Variants in MAP3K1 observed in about 807,000 individuals in gnomAD.
MAP3K1 encodes the protein mitogen-activated protein kinase kinase kinase 1, also known as MAP/ERK kinase kinase 1.
In MAP3K1, 36 loss-of-function variants were observed where a neutral mutation model predicts 144.2. The observed-to-expected ratio is 0.25, with a 90% CI of 0.19 to 0.33. MAP3K1 has a LOEUF of 0.33. Ranked by LOEUF, MAP3K1 falls within the 10% of genes least tolerant of loss-of-function variation. MAP3K1 has a pLI of 1.00. For synonymous variants in MAP3K1, 718 were observed against 688.7 expected (o/e 1.04, Z -0.67); for missense variants, 1,650 against 1,881.9 (o/e 0.88, Z 2.28).
intron 19 of MAP3K1, among the ~76,000 whole-genome samples, chr5:56,891,578 A>T (rs542319607): frequency 1.3e-5 from 2 of 152,234 alleles, no homozygotes; most frequent in Admixed American, 6.5e-5. Context: ...TTTTGTTGCC[A>T]TTGCTTTTGG....
intron 3 of MAP3K1, among the ~76,000 whole-genome samples, chr5:56,860,149 G>C (rs1365342784): frequency 1.3e-5 from 2 of 152,146 alleles, no homozygotes; most frequent in African/African-American, 4.8e-5. Flanking sequence ...GATATTTGCA[G>C]TGGTGGGTAA....
intron 6 of MAP3K1, among the ~76,000 whole-genome samples, chr5:56,869,099 GAGAAA>G (rs1366873180): frequency 2.0e-5 from 3 of 150,728 alleles, no homozygotes; most frequent in African/African-American, 4.9e-5. Flanking sequence ...AAAAAAAAAA[GAGAAA>G]AGAAAGAAAA....
chr5:56,867,352 A>C (rs552623836), intron 6 of MAP3K1, among the ~76,000 whole-genome samples: 1 of 152,304 alleles, frequency 6.6e-6, no homozygotes, highest in Non-Finnish European at 1.5e-5. Flanking sequence ...CTATTTTTAT[A>C]TCTAAGATCA....
At position 56,893,959 on chromosome 5, in the gene MAP3K1, C is replaced by G; in HGVS notation, c.*279C>G. 1 of 468,548 alleles carries G rather than the reference C, an allele frequency of 2.1e-6. No individual in the cohort carries two copies. Among genetic ancestry groups the G allele is most frequent in the Middle Eastern group, 5.9e-4 (1 of 1,690 alleles). The allele number at this position is 468,548 out of a possible 1,614,324, so 29.0% of individuals were successfully genotyped here. The stretch of plus-strand genomic sequence containing the variant: ...CAATGAAGTTTGCATGACTAAATTG[C>G]AGAAGCATAATTTTATTTTTTTGGA... On this transcript the variant is annotated 3_prime_UTR_variant, in exon 20 of 20. Transcript: ENST00000399503.
chr5:56,820,260 C>G (rs1288051504), intron 1 of MAP3K1: 1 of 186,144 alleles, frequency 5.4e-6, no homozygotes, highest in Admixed American at 6.5e-5. Flanking sequence ...ATGGTAAAAC[C>G]TCATGATTAC....
chr5:56,837,253 A>G (rs914124443), intron 1 of MAP3K1, among the ~76,000 whole-genome samples: 2 of 152,076 alleles, frequency 1.3e-5, no homozygotes, highest in African/African-American at 2.4e-5. Flanking sequence ...TCTTCAAGGC[A>G]TTTTATTCCT....
intron 6 of MAP3K1, among the ~76,000 whole-genome samples, chr5:56,867,967 A>C (rs1747727552): frequency 1.3e-5 from 2 of 152,216 alleles, no homozygotes; most frequent in Non-Finnish European, 2.9e-5. Flanking sequence ...GTCGATAAGT[A>C]AAACCAAATC....
intron 9 of MAP3K1, among the ~76,000 whole-genome samples, chr5:56,874,199 T>C (rs1400276951): frequency 6.6e-6 from 1 of 152,226 alleles, no homozygotes; most frequent in African/African-American, 2.4e-5. Flanking sequence ...TAAATAAGTA[T>C]GTTATGATCT....
At chr5:56,823,258 C>T (rs1746209219) in intron 1 of MAP3K1, among the ~76,000 whole-genome samples, 2 of 152,208 alleles carry the variant, frequency 1.3e-5, no homozygotes, top group Admixed American at 1.3e-4. Flanking sequence ...TGTTCCGTGG[C>T]AGGGTTGCGT....
rs375887686 is a variant in MAP3K1, at chr5:56,868,270, T to C, written c.1301+2293T>C. ...TCCACAGGCTGATTTGTTTTCCTTA[T>C]AAGTTCATTACTCCCTGCTCTATAC... On this transcript the variant is annotated intron_variant, in intron 6 of 19. Transcript: ENST00000399503. 2.2e-4 allele frequency among the ~76,000 whole-genome samples: 33 copies of C among 152,282 alleles called. No individual in the cohort carries two copies. In the East Asian group the frequency reaches 2.5e-3, roughly 12 times the overall value.
At chr5:56,879,183 C>G in intron 11 of MAP3K1, 82 bp downstream of exon 11, 7 of 1,458,948 alleles carry the variant, frequency 4.8e-6, no homozygotes, top group Non-Finnish European at 6.7e-6. Flanking sequence ...GTGTGAATAT[C>G]TGATACATTT....
At chr5:56,830,144 T>G (rs1746441930) in intron 1 of MAP3K1, among the ~76,000 whole-genome samples, 2 of 152,234 alleles carry the variant, frequency 1.3e-5, no homozygotes, top group Admixed American at 1.3e-4. Context: ...TAAAGAAATG[T>G]TATCAGAATT....
intron 1 of MAP3K1, among the ~76,000 whole-genome samples, chr5:56,822,539 C>G (rs1261949238): frequency 1.3e-5 from 2 of 152,186 alleles, no homozygotes. Context: ...TGATTTTCTA[C>G]TTAACCATGA....
At chr5:56,858,003 G>A (rs1561183795) in intron 2 of MAP3K1, among the ~76,000 whole-genome samples, 1 of 152,120 alleles carries the variant, frequency 6.6e-6, no homozygotes, top group Non-Finnish European at 1.5e-5. Context: ...TATTACTCAC[G>A]TGAGGTGGTA....
intron 18 of MAP3K1, chr5:56,887,954 G>A (rs1015388928): frequency 5.1e-5 from 26 of 511,584 alleles, no homozygotes; most frequent in South Asian, 3.0e-4. Context: ...TTCATATGTA[G>A]TAATGATCTG....
At chr5:56,849,232 C>T in intron 1 of MAP3K1, among the ~76,000 whole-genome samples, 1 of 151,920 alleles carries the variant, frequency 6.6e-6, no homozygotes, top group Admixed American at 6.6e-5. Context: ...TGCCTGTGGT[C>T]CCAGCTACTC....
Position 56,882,762 on chromosome 5 carries a change from G to A in MAP3K1, c.3562G>A (p.Ala1188Thr). ...GAAGATGGAAGCTGAAGAAGAAGAA[G>A]CTTTAGCAATTGCCATGGCAATGTC... ...KEKMEAEEEE[A>T]LAIAMAMSAS... The change falls in exon 14 of 20, where the codon GCT becomes ACT. Residue 1188 changes from alanine (A) to threonine (T), a missense_variant. Transcript: ENST00000399503. 6.2e-7 allele frequency: 1 copy of A among 1,612,210 alleles called. No homozygotes were observed. Among genetic ancestry groups the A allele is most frequent in the African/African-American group, 1.3e-5 (1 of 74,840 alleles).
intron 1 of MAP3K1, among the ~76,000 whole-genome samples, chr5:56,823,288 C>G (rs1028413638): frequency 3.3e-5 from 5 of 152,150 alleles, no homozygotes; most frequent in African/African-American, 1.2e-4. Context: ...TCCTCAGACT[C>G]ACTCACTGCC....
intron 1 of MAP3K1, among the ~76,000 whole-genome samples, chr5:56,823,367 T>A (rs1746213419): frequency 6.6e-6 from 1 of 152,220 alleles, no homozygotes; most frequent in South Asian, 2.1e-4. Flanking sequence ...CAGCTCCTCG[T>A]TGTTAAAATC....
Sources: gnomAD v4.1 joint callset for allele counts (sites outside exome capture counted in the v4.1 genomes callset) on GRCh38, gnomAD v4.1.1 for gene constraint, MANE v1.5 for transcripts, NCBI Gene and HGNC (gene_info 2026-07-23, HGNC 2026-07-21) for gene names.